Variants in FGFR1 observed in about 807,000 individuals in gnomAD.
The protein encoded by FGFR1 is fibroblast growth factor receptor 1, also known as FGFR1/PLAG1 fusion.
FGFR1 carries 18 observed loss-of-function variants against 93.7 expected under a neutral mutation model. The observed-to-expected ratio is 0.19, with a 90% CI of 0.13 to 0.28. The LOEUF is 0.28. Ranked by LOEUF, FGFR1 falls within the 10% of genes least tolerant of loss-of-function variation. The pLI, the probability that FGFR1 is intolerant of heterozygous loss-of-function variation, is 1.00. For synonymous variants in FGFR1, 448 were observed against 429.3 expected, an observed-to-expected ratio of 1.04 and a Z score of -0.54; for missense variants, 731 against 1,080.4, an observed-to-expected ratio of 0.68 and a Z score of 4.53.
intron 2 of FGFR1, among the ~76,000 whole-genome samples, chr8:38,446,313 C>T (rs1407061460): frequency 1.3e-5 from 2 of 151,152 alleles, no homozygotes; most frequent in Non-Finnish European, 2.9e-5. Flanking sequence ...CTGGTTCAAG[C>T]GATTCTCCCG....
intron 2 of FGFR1, among the ~76,000 whole-genome samples, chr8:38,435,944 T>C (rs1586485574): frequency 6.6e-6 from 1 of 152,336 alleles, no homozygotes; most frequent in Non-Finnish European, 1.5e-5. Context: ...ACACTTGCTT[T>C]GTGCATCTGT....
At chr8:38,462,417 T>C (rs1185124395) in intron 1 of FGFR1, among the ~76,000 whole-genome samples, 2 of 151,682 alleles carry the variant, frequency 1.3e-5, no homozygotes, top group Non-Finnish European at 2.9e-5. Flanking sequence ...GGCAGGAGAA[T>C]TGCTTGAACC....
At chr8:38,456,606 C>G (rs1404050638) in intron 2 of FGFR1, among the ~76,000 whole-genome samples, 1 of 152,124 alleles carries the variant, frequency 6.6e-6, no homozygotes, top group Admixed American at 6.5e-5. Context: ...TTTTTTTCAC[C>G]CAGGCTGGAG....
At chr8:38,459,019 T>A in intron 1 of FGFR1, 1 of 227,124 alleles carries the variant, frequency 4.4e-6, no homozygotes, top group African/African-American at 2.2e-5. Flanking sequence ...TGGCTCACAC[T>A]GGCCCCAGTT....
intron 2 of FGFR1, among the ~76,000 whole-genome samples, chr8:38,438,953 A>G (rs571182358): frequency 4.0e-5 from 6 of 151,486 alleles, no homozygotes; most frequent in South Asian, 2.1e-4. Flanking sequence ...TATAAAATGC[A>G]CTCTCCTGCC....
At chr8:38,463,933 G>A (rs1357387579) in intron 1 of FGFR1, among the ~76,000 whole-genome samples, 1 of 151,856 alleles carries the variant, frequency 6.6e-6, no homozygotes, top group Non-Finnish European at 1.5e-5. Flanking sequence ...CTAAATTTTA[G>A]TTGGTCCAAT....
chr8:38,429,309 C>A lies in FGFR1; in HGVS notation c.358+373G>T. 1 of 555,380 alleles carries A rather than the reference C, an allele frequency of 1.8e-6. No individual in the cohort carries two copies. Among genetic ancestry groups the A allele is most frequent in the East Asian group, 4.7e-5 (1 of 21,290 alleles). 34.4% of individuals were successfully genotyped at this position (555,380 alleles called of 1,614,324 possible). On this transcript the variant is annotated intron_variant, in intron 3 of 17. Coordinates refer to ENST00000447712, the MANE Select transcript of FGFR1 (RefSeq NM_023110.3). The surrounding 1 kb of genome is among the most constrained non-coding windows in gnomAD (Gnocchi z 4.4). Reference sequence around the variant, plus strand: ...TGTTCAGGGCCTCTAATCACTAAGCCGAGTACCAAGTCCAAATGGCAAGGG... The same window carrying A: ...TGTTCAGGGCCTCTAATCACTAAGCAGAGTACCAAGTCCAAATGGCAAGGG...
intron 2 of FGFR1, among the ~76,000 whole-genome samples, chr8:38,442,362 GGTGTGTGTGTGT>G (rs56889687): frequency 2.7e-5 from 4 of 145,980 alleles, no homozygotes; most frequent in African/African-American, 5.1e-5. Flanking sequence ...TTGTTAAAGT[GGTGTGTGTGTGT>G]GTGTGTGTGT....
intron 1 of FGFR1, among the ~76,000 whole-genome samples, chr8:38,458,485 G>A (rs1159432242): frequency 2.0e-5 from 3 of 152,088 alleles, no homozygotes; most frequent in Admixed American, 6.5e-5. Flanking sequence ...AGGTTGCAGT[G>A]AGCCGAGATC....
chr8:38,418,381 G>T lies in FGFR1; in HGVS notation c.1285-8C>A, dbSNP rs1235765985. Reference sequence around the variant, plus strand: ...ACTGGAGTCAGCAGACACCTGCAAGGAAGAGTGGGGTCACCCTAGAGCAAG... The same window carrying T: ...ACTGGAGTCAGCAGACACCTGCAAGTAAGAGTGGGGTCACCCTAGAGCAAG... On this transcript the variant is annotated splice_region_variant and splice_polypyrimidine_tract_variant and intron_variant, in intron 9 of 17. Transcript: ENST00000447712. 5 of 1,613,120 alleles carry T rather than the reference G, an allele frequency of 3.1e-6. No homozygotes were observed. Among genetic ancestry groups the T allele is most frequent in the Non-Finnish European group, 4.2e-6 (5 of 1,179,548 alleles).
chr8:38,422,833 G>C (rs751290855), intron 7 of FGFR1: 145 of 574,818 alleles, frequency 2.5e-4, no homozygotes, highest in Non-Finnish European at 3.9e-4. Flanking sequence ...AGAAGGCAGA[G>C]AGGGAACCCA....
chr8:38,462,779 T>C (rs1316701992), intron 1 of FGFR1, among the ~76,000 whole-genome samples: 1 of 151,992 alleles, frequency 6.6e-6, no homozygotes, highest in Non-Finnish European at 1.5e-5. Flanking sequence ...AATTTTTTTA[T>C]TTTTAGTAGA....
chr8:38,429,817 C>T lies in FGFR1; in HGVS notation c.223G>A (p.Glu75Lys), dbSNP rs1445020368. 2.5e-6 allele frequency: 4 copies of T among 1,613,684 alleles called. No individual in the cohort carries two copies. Among genetic ancestry groups the T allele is most frequent in the Non-Finnish European group, 3.4e-6 (4 of 1,179,908 alleles). The change falls in exon 3 of 18, where the codon GAA becomes AAA. Residue 75 changes from glutamate (E) to lysine (K), a missense_variant. By Grantham distance (56) the Glu-to-Lys change is moderately conservative. Transcript: ENST00000447712. The surrounding 1 kb of genome is among the most constrained non-coding windows in gnomAD (Gnocchi z 4.4). Reference sequence around the variant, plus strand: ...CCTGTGATGCGGGTGCGGTTGCTTTCCGCCAGCTGCACCCCGTCCCGCAGC... The same window carrying T: ...CCTGTGATGCGGGTGCGGTTGCTTTTCGCCAGCTGCACCCCGTCCCGCAGC... ...NWLRDGVQLA[E>K]SNRTRITGEE...
intron 2 of FGFR1, among the ~76,000 whole-genome samples, chr8:38,447,895 G>C (rs1829854220): frequency 6.6e-6 from 1 of 152,106 alleles, no homozygotes; most frequent in Admixed American, 6.5e-5. Flanking sequence ...AACTATCCTT[G>C]GATACATGGA....
rs773493997 is a variant in FGFR1 at position 38,418,030 on chromosome 8, G to C, written c.1431-39C>G. On this transcript the variant is annotated intron_variant, in intron 10 of 17. Transcript: ENST00000447712. ...CAGAGAGTGGCATAAGTTGGGGCTG[G>C]TGAAGTTCAAACCTTGAGAGGCACC... is the stretch of plus-strand genomic sequence containing the variant. 8 of 1,613,836 alleles carry C rather than the reference G, an allele frequency of 5.0e-6. No homozygotes were observed. The South Asian group carries it at 8.8e-5, about 18-fold the overall frequency.
intron 1 of FGFR1, among the ~76,000 whole-genome samples, chr8:38,457,812 G>A (rs1285778942): frequency 6.6e-6 from 1 of 152,010 alleles, no homozygotes; most frequent in East Asian, 1.9e-4. Context: ...GCGAAACCCC[G>A]TCTCTACTAA....
At chr8:38,458,092 T>C (rs1428873858) in intron 1 of FGFR1, among the ~76,000 whole-genome samples, 2 of 152,162 alleles carry the variant, frequency 1.3e-5, no homozygotes, top group Non-Finnish European at 2.9e-5. Flanking sequence ...ATCATGAGGT[T>C]TTCCAAGGTA....
intron 2 of FGFR1, among the ~76,000 whole-genome samples, chr8:38,453,898 C>A (rs1026705774): frequency 1.3e-5 from 2 of 151,948 alleles, no homozygotes; most frequent in Non-Finnish European, 2.9e-5. Flanking sequence ...TCTCTTAAAA[C>A]CAACCAACCA....
chr8:38,429,942 G>A lies in FGFR1; in HGVS notation c.98C>T (p.Pro33Leu), dbSNP rs2150967303. ...PSPTLPEQAQ[P>L]WGAPVEVESF... Reference sequence around the variant, plus strand: ...CTCCACTTCCACAGGGGCTCCCCAGGGCTGGGCTGCAGCCACCACGGGGCC... The same window carrying A: ...CTCCACTTCCACAGGGGCTCCCCAGAGCTGGGCTGCAGCCACCACGGGGCC... The change falls in exon 3 of 18, where the codon CCC (proline) becomes CTC (leucine). Residue 33 changes from proline to leucine, a missense_variant. By Grantham distance (98) the Pro-to-Leu change is moderately conservative. Coordinates refer to ENST00000447712, the MANE Select transcript of FGFR1 (RefSeq NM_023110.3). This position sits in a 1 kb window ranked among gnomAD's most constrained non-coding sequence, Gnocchi z 4.4. The A allele has an allele frequency of 1.2e-6, 2 of 1,607,216 alleles. No individual in the cohort carries two copies. The highest frequency in any genetic ancestry group is 2.2e-5 in the East Asian group (1 of 44,680).
Sources: gnomAD v4.1 joint callset for allele counts (sites outside exome capture counted in the v4.1 genomes callset) on GRCh38, gnomAD v4.1.1 for gene constraint, Gnocchi (gnomAD v3.1) non-coding constraint, MANE v1.5 for transcripts, NCBI Gene and HGNC (gene_info 2026-07-23, HGNC 2026-07-21) for gene names.